Variants in CCDC85A observed in about 807,000 individuals in gnomAD.
The protein encoded by CCDC85A is coiled-coil domain containing 85A, also known as coiled-coil domain-containing protein 85A.
A neutral mutation model predicts 50.2 loss-of-function variants in CCDC85A; 38 were observed. The observed-to-expected ratio is 0.76, with a 90% CI of 0.58 to 0.99. The LOEUF is 0.99. Among genes scored for constraint, CCDC85A ranks in the 50% least tolerant of loss-of-function variants. The pLI, the probability that CCDC85A is intolerant of heterozygous loss-of-function variation, is 0.00. For missense variants in CCDC85A, 820 were observed against 742.0 expected, an observed-to-expected ratio of 1.11 and a Z score of -1.22; for synonymous variants, 366 against 301.4, an observed-to-expected ratio of 1.21 and a Z score of -2.22.
At chr2:56,359,842 TGTAAA>T (rs1183381274) in intron 3 of CCDC85A, among the ~76,000 whole-genome samples, 1 of 152,240 alleles carries the variant, frequency 6.6e-6, no homozygotes, top group African/African-American at 2.4e-5. Context: ...TATGTGTTCT[TGTAAA>T]GGAAAGGTGA....
rs149712669 is a variant in CCDC85A, at chr2:56,215,661, C to A, written c.1240+22221C>A. Among the ~76,000 whole-genome samples the A allele has an allele frequency of 6.8e-4, 94 of 137,798 alleles. No homozygotes were observed. The East Asian group carries it at 0.016, about 24-fold the overall frequency. 90.4% of individuals were successfully genotyped at this position (137,798 alleles called of 152,430 possible). A position where few individuals can be genotyped will look rare whatever the true frequency, so the allele number is the denominator to read the frequency against. On this transcript the variant is annotated intron_variant, in intron 2 of 5. Transcript: ENST00000407595. ...GTCAGTTGATATCATGGTTTTTCTT[C>A]TTTAGACTATATTCTCTTTGAACTT...
intron 2 of CCDC85A, among the ~76,000 whole-genome samples, chr2:56,273,687 A>AATATAT (rs10579579): frequency 2.3e-4 from 34 of 148,332 alleles, no homozygotes; most frequent in African/African-American, 7.2e-4. Context: ...TGGGTTTCAG[A>AATATAT]ATATATATAT....
intron 5 of CCDC85A, among the ~76,000 whole-genome samples, chr2:56,377,120 CA>C (rs1241337508): frequency 6.6e-6 from 1 of 152,218 alleles, no homozygotes; most frequent in East Asian, 1.9e-4. Context: ...GAAGGCAGGG[CA>C]ACCATGCTAG....
intron 2 of CCDC85A, among the ~76,000 whole-genome samples, chr2:56,264,055 A>G (rs1482194424): frequency 6.6e-6 from 1 of 152,188 alleles, no homozygotes; most frequent in Non-Finnish European, 1.5e-5. Context: ...GAAGTTTACG[A>G]ATTTGTGTTG....
chr2:56,278,515 C>G (rs1246646489), intron 2 of CCDC85A, among the ~76,000 whole-genome samples: 1 of 152,082 alleles, frequency 6.6e-6, no homozygotes, highest in Admixed American at 6.5e-5. Flanking sequence ...TCATTTTGTC[C>G]TTCTCAACTC....
intron 2 of CCDC85A, among the ~76,000 whole-genome samples, chr2:56,209,829 T>A (rs765318306): frequency 7.2e-5 from 11 of 152,100 alleles, no homozygotes; most frequent in Non-Finnish European, 1.2e-4. Context: ...TCACTTTTTA[T>A]TCAACAGTGG....
In CCDC85A at chr2:56,295,709, ACTT is replaced by A. The variant is rs1015054069; in HGVS notation, c.1241-47164_1241-47162del. On this transcript the variant is annotated intron_variant, in intron 2 of 5. Transcript: ENST00000407595. ...TTAAGAAGGTGGTATCTGTTTAGTG[ACTT>A]CTTCTCTTGAGTGTTAGCATCATTA... Among the ~76,000 whole-genome samples the A allele has an allele frequency of 9.2e-5, 14 of 152,236 alleles. 1 individual carries two copies. Among genetic ancestry groups the A allele is most frequent in the Admixed American group, 4.6e-4 (7 of 15,262 alleles).
chr2:56,283,738 C>CTGACA (rs971108104), intron 2 of CCDC85A, among the ~76,000 whole-genome samples: 2 of 152,028 alleles, frequency 1.3e-5, no homozygotes, highest in African/African-American at 4.8e-5. Context: ...AATGACATAT[C>CTGACA]TTTCTGACAT....
intron 2 of CCDC85A, among the ~76,000 whole-genome samples, chr2:56,283,029 C>A (rs949965577): frequency 4.6e-5 from 7 of 151,922 alleles, no homozygotes; most frequent in African/African-American, 1.7e-4. Flanking sequence ...ATATTAAATT[C>A]TTTTATTCTA....
At chr2:56,293,447 G>A (rs1671807201) in intron 2 of CCDC85A, among the ~76,000 whole-genome samples, 2 of 152,152 alleles carry the variant, frequency 1.3e-5, no homozygotes, top group South Asian at 4.1e-4. Flanking sequence ...AACATCAAAA[G>A]CAATTGTAAC....
intron 3 of CCDC85A, among the ~76,000 whole-genome samples, chr2:56,352,279 A>G (rs1674988956): frequency 6.6e-6 from 1 of 152,218 alleles, no homozygotes; most frequent in African/African-American, 2.4e-5. Context: ...CCGAAATGTC[A>G]TATACATAAA....
intron 2 of CCDC85A, among the ~76,000 whole-genome samples, chr2:56,260,278 G>C (rs1275270895): frequency 6.6e-6 from 1 of 152,192 alleles, no homozygotes; most frequent in Non-Finnish European, 1.5e-5. Flanking sequence ...TGCTGGAGTA[G>C]TGATTTTGTT....
chr2:56,381,240 C>T (rs1222684786), intron 5 of CCDC85A, among the ~76,000 whole-genome samples: 1 of 152,080 alleles, frequency 6.6e-6, no homozygotes, highest in Non-Finnish European at 1.5e-5. Context: ...CATTCACTTT[C>T]TGTAGCTTTT....
chr2:56,241,795 TGCAG>T (rs1669269235), intron 2 of CCDC85A, among the ~76,000 whole-genome samples: 25 of 152,200 alleles, frequency 1.6e-4, no homozygotes, highest in Admixed American at 1.5e-3. Context: ...AACATGGGAG[TGCAG>T]ATATCTCTTT....
At chr2:56,382,815 G>C (rs1676652628) in intron 5 of CCDC85A, among the ~76,000 whole-genome samples, 1 of 152,008 alleles carries the variant, frequency 6.6e-6, no homozygotes, top group Non-Finnish European at 1.5e-5. Flanking sequence ...TAGTGCTGGT[G>C]TCTGTTATCC....
At chr2:56,335,583 G>T (rs1039217957) in intron 2 of CCDC85A, among the ~76,000 whole-genome samples, 1 of 149,802 alleles carries the variant, frequency 6.7e-6, no homozygotes, top group South Asian at 2.1e-4. Flanking sequence ...AGGTAAGACA[G>T]CAAGAGGGGG....
rs1422276972 is a variant in CCDC85A, at chr2:56,385,400, G to A, written c.*1045G>A. On this transcript the variant is annotated 3_prime_UTR_variant, in exon 6 of 6. Transcript: ENST00000407595. ...CAGATTGCTTGAGGTTTGAAAAAGAGGTGTGCTAGCTTTGCTTAGTTTATT... is the reference window on the plus strand; with the variant it reads ...CAGATTGCTTGAGGTTTGAAAAAGAAGTGTGCTAGCTTTGCTTAGTTTATT... The A allele has an allele frequency of 6.6e-6, 1 of 152,264 alleles. No individual in the cohort carries two copies. Among genetic ancestry groups the A allele is most frequent in the South Asian group, 2.1e-4 (1 of 4,826 alleles). 9.4% of individuals were successfully genotyped at this position (152,264 alleles called of 1,614,324 possible).
intron 2 of CCDC85A, among the ~76,000 whole-genome samples, chr2:56,212,819 G>A (rs1207938372): frequency 6.6e-6 from 1 of 151,878 alleles, no homozygotes; most frequent in African/African-American, 2.4e-5. Flanking sequence ...CTTGCTTCCA[G>A]TTTCTTCCTA....
At position 56,284,792 on chromosome 2, in the gene CCDC85A, C is replaced by T. The variant is rs140992340; in HGVS notation, c.1241-58087C>T. 2.4e-4 allele frequency among the ~76,000 whole-genome samples: 36 copies of T among 152,290 alleles called. No homozygotes were observed. In the East Asian group the frequency reaches 5.4e-3, roughly 23 times the overall value. On this transcript the variant is annotated intron_variant, in intron 2 of 5. Transcript: ENST00000407595. ...TTCTTATGCACATAAGTATTTATAA[C>T]TGATAAGTATTTACAACTTATCTTC... is the stretch of plus-strand genomic sequence containing the variant.
Sources: gnomAD v4.1 joint callset for allele counts (sites outside exome capture counted in the v4.1 genomes callset) on GRCh38, gnomAD v4.1.1 for gene constraint, MANE v1.5 for transcripts, NCBI Gene and HGNC (gene_info 2026-07-23, HGNC 2026-07-21) for gene names.